LIPC: variants seen among roughly 807,000 people sequenced by gnomAD.
LIPC encodes the protein lipase C, hepatic type, also known as hepatic triacylglycerol lipase.
In LIPC, 44 loss-of-function variants were observed where a neutral mutation model predicts 50.7. The ratio of observed to expected loss-of-function variants is 0.87; its 90% CI spans 0.68 to 1.11. The LOEUF is 1.11. LIPC is among the 50% of genes most tolerant of loss of function. The pLI is 0.00. For missense variants in LIPC, 697 were observed against 648.2 expected (o/e 1.08, Z -0.82); for synonymous variants, 271 against 256.4 (o/e 1.06, Z -0.54).
chr15:58,568,252 A>G (rs541088255), intron 8 of LIPC, among the ~76,000 whole-genome samples: 1 of 152,224 alleles, frequency 6.6e-6, no homozygotes, highest in African/African-American at 2.4e-5. Flanking sequence ...AACCGATGAC[A>G]CTGGCCTCAT....
At chr15:58,517,540 G>A (rs1376417105) in intron 1 of LIPC, among the ~76,000 whole-genome samples, 1 of 152,218 alleles carries the variant, frequency 6.6e-6, no homozygotes, top group Non-Finnish European at 1.5e-5. Flanking sequence ...TTTCAGTGTG[G>A]AGAGCTGCAG....
At chr15:58,534,107 A>C (rs1893042348) in intron 1 of LIPC, among the ~76,000 whole-genome samples, 1 of 152,226 alleles carries the variant, frequency 6.6e-6, no homozygotes, top group South Asian at 2.1e-4. Context: ...GGTGTTATGA[A>C]CCACAATAGG....
intron 1 of LIPC, among the ~76,000 whole-genome samples, chr15:58,493,509 A>T (rs1288728526): frequency 6.6e-6 from 1 of 151,072 alleles, no homozygotes; most frequent in Non-Finnish European, 1.5e-5. Context: ...ACATATATAC[A>T]CACCTAGAAA....
At chr15:58,555,311 G>T (rs144217902) in intron 6 of LIPC, among the ~76,000 whole-genome samples, 1 of 152,164 alleles carries the variant, frequency 6.6e-6, no homozygotes, top group Non-Finnish European at 1.5e-5. Context: ...ACAGGAGAGC[G>T]TCCTTTGTGG....
intron 1 of LIPC, among the ~76,000 whole-genome samples, chr15:58,477,641 C>T (rs1325224913): frequency 4.6e-5 from 7 of 152,184 alleles, no homozygotes; most frequent in Admixed American, 6.5e-5. Flanking sequence ...TTCAGCTCCA[C>T]TCATTCTGTC....
intron 1 of LIPC, among the ~76,000 whole-genome samples, chr15:58,504,354 C>A (rs1385661166): frequency 6.6e-6 from 1 of 152,198 alleles, no homozygotes; most frequent in Non-Finnish European, 1.5e-5. Context: ...ATTATGGCCA[C>A]CTGTGGACCA....
intron 1 of LIPC, among the ~76,000 whole-genome samples, chr15:58,535,295 A>C (rs1451218168): frequency 6.6e-6 from 1 of 152,210 alleles, no homozygotes; most frequent in African/African-American, 2.4e-5. Context: ...GTACCTAGCC[A>C]GGGGGCCTGG....
At chr15:58,433,062 G>C (rs1436048758) in intron 1 of LIPC, among the ~76,000 whole-genome samples, 1 of 152,172 alleles carries the variant, frequency 6.6e-6, no homozygotes, top group African/African-American at 2.4e-5. Context: ...TAACTGAGTA[G>C]CAGTATTAAT....
chr15:58,565,094 T>C, intron 8 of LIPC: 1 of 1,150,096 alleles, frequency 8.7e-7, no homozygotes, highest in Admixed American at 2.0e-5. Flanking sequence ...TGAGTCCCTT[T>C]ATACAACCGC....
At chr15:58,488,622 G>C (rs371862906) in intron 1 of LIPC, among the ~76,000 whole-genome samples, 1 of 152,326 alleles carries the variant, frequency 6.6e-6, no homozygotes, top group African/African-American at 2.4e-5. Context: ...TTTCTGAAAA[G>C]TGTCCGAAGT....
At chr15:58,558,276 T>C (rs1894027564) in intron 6 of LIPC, among the ~76,000 whole-genome samples, 1 of 152,246 alleles carries the variant, frequency 6.6e-6, no homozygotes, top group Admixed American at 6.5e-5. Flanking sequence ...TTTCACCATG[T>C]TGGCCAGGAT....
chr15:58,445,184 C>A (rs634744), intron 1 of LIPC, among the ~76,000 whole-genome samples: 46,161 of 151,782 alleles, frequency 0.3, 7,090 homozygotes, highest in Admixed American at 0.38. Context: ...GCAGCATAAG[C>A]AATAACCGGC....
At position 58,565,290 on chromosome 15, in the gene LIPC, A is replaced by T. The variant is rs1894325755; in HGVS notation, c.1388+1567A>T. On this transcript the variant is annotated intron_variant, in intron 8 of 8. Transcript: ENST00000299022. ...GGAGCAGCGCTGCTTCTGAGCTCTG[A>T]CCCTGCCCAGATGCTCTTAGCTGGA... 2.0e-6 allele frequency: 3 copies of T among 1,535,534 alleles called. No individual in the cohort carries two copies. The East Asian group carries it at 7.3e-5, about 38-fold the overall frequency.
intron 1 of LIPC, among the ~76,000 whole-genome samples, chr15:58,496,743 C>CAAAAAAA (rs10716717): frequency 0.011 from 1,254 of 114,120 alleles, 56 homozygotes; most frequent in African/African-American, 0.036. Flanking sequence ...TCTTCCCCCT[C>CAAAAAAA]AAAAAAAAAA....
intron 8 of LIPC, among the ~76,000 whole-genome samples, chr15:58,567,953 A>G (rs191060835): frequency 1.1e-4 from 17 of 152,194 alleles, no homozygotes; most frequent in Non-Finnish European, 2.1e-4. Context: ...TTCACAAATT[A>G]CTCATAGCAT....
At chr15:58,448,477 G>A (rs1893780067) in intron 1 of LIPC, among the ~76,000 whole-genome samples, 1 of 152,262 alleles carries the variant, frequency 6.6e-6, no homozygotes, top group Non-Finnish European at 1.5e-5. Flanking sequence ...AGGACAGGGA[G>A]GCAAAGGTCA....
At chr15:58,432,499 T>G (rs1276070097) in intron 1 of LIPC, 1 of 307,520 alleles carries the variant, frequency 3.3e-6, no homozygotes, top group Non-Finnish European at 6.3e-6. Flanking sequence ...AATGAAATGC[T>G]CTGTCGGGTT....
chr15:58,460,301 G>A (rs1894295408), intron 1 of LIPC, among the ~76,000 whole-genome samples: 1 of 152,244 alleles, frequency 6.6e-6, no homozygotes, highest in Admixed American at 6.5e-5. Context: ...GGACTTTGAG[G>A]AATTCAGGAA....
At chr15:58,514,155 A>T (rs759994806) in intron 1 of LIPC, among the ~76,000 whole-genome samples, 2 of 152,224 alleles carry the variant, frequency 1.3e-5, no homozygotes, top group African/African-American at 4.8e-5. Context: ...AGGAGCCAGA[A>T]CACCTGTTTG....
Sources: gnomAD v4.1 joint callset for allele counts (sites outside exome capture counted in the v4.1 genomes callset) on GRCh38, gnomAD v4.1.1 for gene constraint, MANE v1.5 for transcripts, NCBI Gene and HGNC (gene_info 2026-07-23, HGNC 2026-07-21) for gene names.